Variants in SPIRE2 observed in about 807,000 individuals in gnomAD.
SPIRE2 encodes the protein spire type actin nucleation factor 2.
Under a neutral mutation model 80.7 loss-of-function variants are expected in SPIRE2, and 76 were observed. The observed-to-expected ratio is 0.94, with a 90% CI of 0.78 to 1.14. The LOEUF (loss-of-function observed/expected upper bound fraction) is 1.14, where lower values mean the gene tolerates loss of function less well. Ranked by LOEUF, SPIRE2 falls within the 50% of genes most tolerant of loss-of-function variation. The pLI is 0.00. For missense variants in SPIRE2, 1,196 were observed against 1,015.3 expected (o/e 1.18, Z -2.42); for synonymous variants, 535 against 432.6 (o/e 1.24, Z -2.94).
chr16:89,870,309 C>A lies in SPIRE2; in HGVS notation c.*37C>A. 1.4e-6 allele frequency: 2 copies of A among 1,426,644 alleles called. No individual in the cohort carries two copies. Among genetic ancestry groups the A allele is most frequent in the Non-Finnish European group, 1.9e-6 (2 of 1,032,286 alleles). 88.4% of individuals were successfully genotyped at this position (1,426,644 alleles called of 1,614,324 possible). ...GGCCAGGCCTCCAGGAGGCACCAGG[C>A]AGGCCCTGTATCAGGCTAGGACGCT... On this transcript the variant is annotated 3_prime_UTR_variant, in exon 15 of 15. Coordinates refer to ENST00000378247, the MANE Select transcript of SPIRE2 (RefSeq NM_032451.2).
chr16:89,829,920 G>A (rs747721022), intron 1 of SPIRE2, among the ~76,000 whole-genome samples: 1 of 151,384 alleles, frequency 6.6e-6, no homozygotes, highest in Non-Finnish European at 1.5e-5. Flanking sequence ...GAGACGGCAG[G>A]TGCATGGGGC....
Position 89,859,334 on chromosome 16 carries a change from G to T in SPIRE2, c.1442G>T (p.Arg481Met). ...RPRAGSAHVW[R>M]PGSRDQGTCP... is the part of the protein sequence containing the mutation. ...CGAGCTGGCAGTGCGCATGTGTGGA[G>T]GCCCGGCTCCCGAGACCAGGGCAAG... The change falls in exon 9 of 15, where the codon AGG (arginine) becomes ATG (methionine). Residue 481 changes from arginine (R) to methionine (M), a missense_variant. Physicochemically the swap from Arg to Met is moderately conservative, Grantham distance 91. Transcript: ENST00000378247. 1 of 1,576,998 alleles carries T rather than the reference G, an allele frequency of 6.3e-7. No homozygotes were observed. The highest frequency in any genetic ancestry group is 8.6e-7 in the Non-Finnish European group (1 of 1,166,666).
At chr16:89,867,359 G>A (rs558170101) in intron 12 of SPIRE2, among the ~76,000 whole-genome samples, 12 of 152,034 alleles carry the variant, frequency 7.9e-5, no homozygotes, top group South Asian at 2.1e-4. Context: ...TGGCCAGGCC[G>A]ATGTTGAACA....
At chr16:89,862,194 G>A (rs917178062) in intron 10 of SPIRE2, 5 of 151,976 alleles carry the variant, frequency 3.3e-5, no homozygotes, top group Admixed American at 6.6e-5. Context: ...TAGTAGAGAC[G>A]GGGTTTCATC....
chr16:89,853,617 C>T (rs8060934), intron 3 of SPIRE2, among the ~76,000 whole-genome samples: 84,405 of 151,668 alleles, frequency 0.56, 23,857 homozygotes, highest in East Asian at 0.75. Context: ...CCAGGGTGAC[C>T]GGTTCTGCCT....
intron 13 of SPIRE2, 116 bp downstream of exon 13, chr16:89,868,332 A>G: frequency 2.8e-6 from 3 of 1,086,170 alleles, no homozygotes; most frequent in Non-Finnish European, 4.2e-6. Context: ...ATTTCCTTTC[A>G]GGCAGAATCC....
Position 89,850,534 on chromosome 16 carries a change from G to T in SPIRE2, c.519G>T (p.Arg173=). The T allele has an allele frequency of 1.1e-5, 17 of 1,515,032 alleles. No individual in the cohort carries two copies. Among genetic ancestry groups the T allele is most frequent in the Non-Finnish European group, 1.5e-5 (17 of 1,136,260 alleles). The allele number at this position is 1,515,032 out of a possible 1,614,324, so 93.8% of individuals were successfully genotyped here. A position where few individuals can be genotyped will look rare whatever the true frequency, so the allele number is the denominator to read the frequency against. ...TGCGCACCTTTGCCCAGGCCATGCG[G>T]CTGTGCGCGGCGCGGCTGACCGACC... is the stretch of plus-strand genomic sequence containing the variant. ...RSVRTFAQAM[R]LCAARLTDPR... is the part of the protein sequence containing the mutation. The change falls in exon 3 of 15, where the codon CGG becomes CGT. Residue 173 remains arginine (R), a synonymous_variant. Transcript: ENST00000378247.
Position 89,847,356 on chromosome 16 carries a change from T to C in SPIRE2, c.288+1991T>C, listed in dbSNP as rs900884678. ...TGTCGTGTGTCTCACTGTTGCGTTG[T>C]ACACGGGACAGTTTACCTTTCTGAA... On this transcript the variant is annotated intron_variant, in intron 2 of 14. Coordinates refer to ENST00000378247, the MANE Select transcript of SPIRE2 (RefSeq NM_032451.2). Among the ~76,000 whole-genome samples, 5 of 152,340 alleles carry C rather than the reference T, an allele frequency of 3.3e-5. No individual in the cohort carries two copies. In the East Asian group the frequency reaches 9.6e-4, roughly 29 times the overall value.
At chr16:89,832,391 T>C (rs2041394557) in intron 1 of SPIRE2, among the ~76,000 whole-genome samples, 1 of 152,244 alleles carries the variant, frequency 6.6e-6, no homozygotes. Flanking sequence ...TTTAGTTGTT[T>C]TCTGGAGATG....
Position 89,870,076 on chromosome 16 carries a change from G to A in SPIRE2, c.1949G>A (p.Ser650Asn), listed in dbSNP as rs775475546. Residue 650 changes from serine (S) to asparagine (N), a missense_variant, in exon 15 of 15, where the codon AGC becomes AAC. Ser to Asn is a conservative substitution (Grantham distance 46, BLOSUM62 1). Transcript: ENST00000378247. ...FQSLQGPQWQ[S>N]VEEAFPHIYS... ...TCTCTGCAAGGGCCACAGTGGCAGA[G>A]CGTGGAGGAGGCGTTCCCCCACATC... The A allele has an allele frequency of 3.7e-6, 6 of 1,613,214 alleles. No homozygotes were observed. The Admixed American group carries it at 1.0e-4, about 27-fold the overall frequency.
chr16:89,834,006 C>T (rs942471384), intron 1 of SPIRE2, among the ~76,000 whole-genome samples: 1 of 152,230 alleles, frequency 6.6e-6, no homozygotes, highest in African/African-American at 2.4e-5. Context: ...ATAGTCTCAC[C>T]TCTGAGCAAG....
chr16:89,851,297 T>C, intron 3 of SPIRE2, among the ~76,000 whole-genome samples: 1 of 152,196 alleles, frequency 6.6e-6, no homozygotes, highest in Non-Finnish European at 1.5e-5. Context: ...CTCCAGGCCC[T>C]GGTTCCTTCT....
chr16:89,849,753 G>A, intron 2 of SPIRE2: 1 of 245,626 alleles, frequency 4.1e-6, no homozygotes, highest in Non-Finnish European at 8.0e-6. Flanking sequence ...ATGAAAGTCA[G>A]GGTCCCTGTC....
At position 89,850,631 on chromosome 16, in the gene SPIRE2, T is replaced by G; in HGVS notation, c.616T>G (p.Phe206Val). The change falls in exon 3 of 15, where the codon TTC becomes GTC. Residue 206 changes from phenylalanine to valine, a missense_variant. Phe to Val is a conservative substitution (Grantham distance 50, BLOSUM62 -1). Coordinates refer to ENST00000378247, the MANE Select transcript of SPIRE2 (RefSeq NM_032451.2). ...LFVETLELRAFLARVREAKEM... is the reference protein window; with the variant it reads ...LFVETLELRAVLARVREAKEM... ...CGTGGAGACGCTGGAGCTGCGGGCCTTCCTGGCCAGGGTCCGGGAGGCCAA... is the reference window on the plus strand; with the variant it reads ...CGTGGAGACGCTGGAGCTGCGGGCCGTCCTGGCCAGGGTCCGGGAGGCCAA... 1 of 1,512,020 alleles carries G rather than the reference T, an allele frequency of 6.6e-7. No homozygotes were observed. Among genetic ancestry groups the G allele is most frequent in the Non-Finnish European group, 8.8e-7 (1 of 1,136,226 alleles). 93.7% of individuals were successfully genotyped at this position (1,512,020 alleles called of 1,614,324 possible).
At chr16:89,834,687 C>T (rs2041426233) in intron 1 of SPIRE2, among the ~76,000 whole-genome samples, 1 of 125,252 alleles carries the variant, frequency 8.0e-6, no homozygotes, top group Non-Finnish European at 1.7e-5. Flanking sequence ...CCCGCACTCG[C>T]GGTTGGCCGT....
chr16:89,863,960 T>G lies in SPIRE2; in HGVS notation c.1778+99T>G. Reference sequence around the variant, plus strand: ...GAACTTCCTGTGATTCCAGGAATGTTCTAGCATGTTCGATGGCTGATGAGT... The same window carrying G: ...GAACTTCCTGTGATTCCAGGAATGTGCTAGCATGTTCGATGGCTGATGAGT... On this transcript the variant is annotated intron_variant, in intron 12 of 14. Coordinates refer to ENST00000378247, the MANE Select transcript of SPIRE2 (RefSeq NM_032451.2). The surrounding 1 kb of genome is among the most constrained non-coding windows in gnomAD (Gnocchi z 4.3). 1.2e-6 allele frequency: 1 copy of G among 861,762 alleles called. No homozygotes were observed. Among genetic ancestry groups the G allele is most frequent in the South Asian group, 1.6e-5 (1 of 62,294 alleles). 53.4% of individuals were successfully genotyped at this position (861,762 alleles called of 1,614,324 possible).
rs1804584631 is a variant in SPIRE2 at position 89,828,588 on chromosome 16, G to A, written c.38G>A (p.Gly13Asp). Residue 13 changes from glycine to aspartate, a missense_variant, in exon 1 of 15, where the codon GGC (glycine) becomes GAC (aspartate). Physicochemically the swap from Gly to Asp is moderately conservative, Grantham distance 94. Transcript: ENST00000378247. The surrounding 1 kb of genome is among the most constrained non-coding windows in gnomAD (Gnocchi z 5.9). ...RAGSCGGAAA[G>D]AGRPEPWELS... is the part of the protein sequence containing the mutation. The stretch of plus-strand genomic sequence containing the variant: ...GGCAGCTGCGGCGGCGCCGCGGCGG[G>A]CGCAGGGCGGCCGGAGCCCTGGGAG... 8.4e-7 allele frequency: 1 copy of A among 1,193,848 alleles called. No individual in the cohort carries two copies. The highest frequency in any genetic ancestry group is 1.0e-6 in the Non-Finnish European group (1 of 963,020). The allele number at this position is 1,193,848 out of a possible 1,614,324, so 74.0% of individuals were successfully genotyped here.
chr16:89,842,208 A>ATTTTTTTTTTTTTTTTTTTTTTTTTTTT lies in SPIRE2; in HGVS notation c.245-3092_245-3091insTTTTTTTTTTTTTTTTTTTTTTTTTTTT, dbSNP rs71137682. Among the ~76,000 whole-genome samples the ATTTTTTTTTTTTTTTTTTTTTTTTTTTT allele has an allele frequency of 3.7e-5, 3 of 81,306 alleles. 1 individual carries two copies. Among genetic ancestry groups the ATTTTTTTTTTTTTTTTTTTTTTTTTTTT allele is most frequent in the African/African-American group, 1.2e-4 (2 of 16,322 alleles). 53.3% of individuals were successfully genotyped at this position (81,306 alleles called of 152,430 possible). On this transcript the variant is annotated intron_variant, in intron 1 of 14. Transcript: ENST00000378247. The stretch of plus-strand genomic sequence containing the variant: ...ATACAATTAGATTCATGAACACGTA[A>ATTTTTTTTTTTTTTTTTTTTTTTTTTTT]TTTTTTTTTTTTTTTTTTTTTTGTG...
At chr16:89,865,394 C>T (rs1169303770) in intron 12 of SPIRE2, among the ~76,000 whole-genome samples, 3 of 152,100 alleles carry the variant, frequency 2.0e-5, no homozygotes, top group Non-Finnish European at 4.4e-5. Context: ...ACAAATATTA[C>T]TTAAAGGTAG....
Sources: allele counts gnomAD v4.1 joint callset (sites outside exome capture counted in the v4.1 genomes callset), GRCh38; gene constraint gnomAD v4.1.1; non-coding constraint Gnocchi (gnomAD v3.1); transcripts MANE v1.5; gene names NCBI Gene and HGNC (gene_info 2026-07-23, HGNC 2026-07-21).